TUBGCP3: variants seen among roughly 807,000 people sequenced by gnomAD.
TUBGCP3 encodes the protein gamma-tubulin complex component 3.
TUBGCP3 carries 50 observed loss-of-function variants against 123.1 expected under a neutral mutation model. The observed-to-expected ratio is 0.41, with a 90% CI of 0.32 to 0.51. TUBGCP3 has a LOEUF of 0.51. TUBGCP3 is among the 20% of genes least tolerant of loss of function. TUBGCP3 has a pLI of 0.36. For synonymous variants in TUBGCP3, 405 were observed against 413.9 expected (o/e 0.98, Z 0.26); for missense variants, 882 against 1,127.0 (o/e 0.78, Z 3.11).
At chr13:112,548,213 C>A in intron 8 of TUBGCP3, 37 bp from the exon 9 acceptor site, 2 of 1,512,932 alleles carry the variant, frequency 1.3e-6, no homozygotes, top group Non-Finnish European at 1.8e-6. Flanking sequence ...GCACGACACA[C>A]TCATTACACA....
chr13:112,595,055 T>C, the TUBGCP3 span, among the ~76,000 whole-genome samples: 23,003 of 152,186 alleles, frequency 0.15, 2,023 homozygotes, highest in East Asian at 0.21. Context: ...CAAATACCCA[T>C]TAGATCCAGT....
intron 3 of TUBGCP3, among the ~76,000 whole-genome samples, chr13:112,560,030 A>T (rs1880368527): frequency 6.6e-6 from 1 of 151,422 alleles, no homozygotes; most frequent in African/African-American, 2.4e-5. Context: ...GCTACTCGGG[A>T]GGCTGAGACA....
chr13:112,600,377 T>C, the TUBGCP3 span, among the ~76,000 whole-genome samples: 1 of 152,212 alleles, frequency 6.6e-6, no homozygotes, highest in Non-Finnish European at 1.5e-5. Context: ...CTAAAACTAG[T>C]GAACAATCTT....
At chr13:112,514,988 G>A (rs1875977194) in intron 17 of TUBGCP3, among the ~76,000 whole-genome samples, 1 of 152,136 alleles carries the variant, frequency 6.6e-6, no homozygotes, top group Non-Finnish European at 1.5e-5. Flanking sequence ...GAGGGGGAAG[G>A]ATCAGCAGAA....
intron 20 of TUBGCP3, among the ~76,000 whole-genome samples, chr13:112,498,423 T>C (rs1259957592): frequency 6.6e-6 from 1 of 152,244 alleles, no homozygotes; most frequent in African/African-American, 2.4e-5. Flanking sequence ...ATATTTTTTA[T>C]AATTTTCTGC....
Position 112,576,832 on chromosome 13 carries a change from C to A in TUBGCP3, c.77-7573G>T, listed in dbSNP as rs191087677. On this transcript the variant is annotated intron_variant, in intron 1 of 21. Coordinates refer to ENST00000261965, the MANE Select transcript of TUBGCP3 (RefSeq NM_006322.6). ...GGAAGATAGACCTCAAATCAATAAT[C>A]TCAGTTTATATGATAAAATCTGGAA... Among the ~76,000 whole-genome samples, 61 of 151,196 alleles carry A rather than the reference C, an allele frequency of 4.0e-4. No homozygotes were observed. The East Asian group carries it at 8.3e-3, about 21-fold the overall frequency.
chr13:112,593,274 T>C, the TUBGCP3 span, among the ~76,000 whole-genome samples: 6 of 151,986 alleles, frequency 3.9e-5, no homozygotes, highest in Non-Finnish European at 7.4e-5. Flanking sequence ...AAAAATTAGC[T>C]GGGCGTAGTT....
the TUBGCP3 span, among the ~76,000 whole-genome samples, chr13:112,602,279 A>G: frequency 5.1e-4 from 77 of 152,326 alleles, no homozygotes; most frequent in African/African-American, 1.8e-3. Context: ...GAAATCTGAT[A>G]AGACATTTGA....
chr13:112,560,436 A>G (rs1160916234), intron 3 of TUBGCP3, among the ~76,000 whole-genome samples: 1 of 152,190 alleles, frequency 6.6e-6, no homozygotes, highest in Admixed American at 6.5e-5. Context: ...TCTCAAAAAA[A>G]AAAAAAAAGT....
At position 112,545,734 on chromosome 13, in the gene TUBGCP3, T is replaced by C; in HGVS notation, c.1300A>G (p.Ile434Val). 6.2e-7 allele frequency: 1 copy of C among 1,614,132 alleles called. No individual in the cohort carries two copies. The highest frequency in any genetic ancestry group is 8.5e-7 in the Non-Finnish European group (1 of 1,179,984). Residue 434 changes from isoleucine (I) to valine (V), a missense_variant, in exon 11 of 22, where the codon ATA (isoleucine) becomes GTA (valine). Ile to Val is a conservative substitution (Grantham distance 29). Coordinates refer to ENST00000261965, the MANE Select transcript of TUBGCP3 (RefSeq NM_006322.6). The surrounding 1 kb of genome is among the most constrained non-coding windows in gnomAD (Gnocchi z 4.1). ...HPVLSFLYRW[I>V]YDGELEDTYH... ...GTGTCCTCAAGCTCCCCATCATATA[T>C]CCAGCGGTACAGGAAGCTCAAAACA...
intron 11 of TUBGCP3, among the ~76,000 whole-genome samples, chr13:112,535,488 A>T (rs1184935112): frequency 6.6e-6 from 1 of 152,014 alleles, no homozygotes; most frequent in African/African-American, 2.4e-5. Flanking sequence ...TTGTTAACAA[A>T]CCTAATGGCT....
At position 112,485,318 on chromosome 13, in the gene TUBGCP3, A is replaced by C. The variant is rs533145358; in HGVS notation, c.*675T>G. On this transcript the variant is annotated 3_prime_UTR_variant, in exon 22 of 22. Transcript: ENST00000261965. ...CGGTATTTGGGTTGCACTGTATAAG[A>C]GTATTTTTGTTCTCTATCACTCCTA... The C allele has an allele frequency of 6.5e-6, 1 of 152,764 alleles. No homozygotes were observed. The highest frequency in any genetic ancestry group is 1.9e-4 in the East Asian group (1 of 5,184). 9.5% of individuals were successfully genotyped at this position (152,764 alleles called of 1,614,324 possible).
At chr13:112,525,029 G>A (rs144808105) in intron 13 of TUBGCP3, among the ~76,000 whole-genome samples, 36 of 152,262 alleles carry the variant, frequency 2.4e-4, no homozygotes, top group Middle Eastern at 3.4e-3. Flanking sequence ...CCTGTCCAGA[G>A]AGCCAAGTCC....
chr13:112,575,673 T>C (rs899512483), intron 1 of TUBGCP3, among the ~76,000 whole-genome samples: 3 of 152,198 alleles, frequency 2.0e-5, no homozygotes, highest in African/African-American at 7.2e-5. Flanking sequence ...ACGTGGAACA[T>C]TCAGGACAGA....
intron 1 of TUBGCP3, among the ~76,000 whole-genome samples, chr13:112,575,389 A>AC (rs1039401437): frequency 2.2e-4 from 34 of 152,386 alleles, no homozygotes; most frequent in African/African-American, 7.0e-4. Flanking sequence ...ATAAAAGGGC[A>AC]ATTCACCAAG....
At chr13:112,553,950 TA>T (rs1879808155) in intron 8 of TUBGCP3, 106 bp downstream of exon 8, 4 of 1,512,154 alleles carry the variant, frequency 2.6e-6, no homozygotes, top group Non-Finnish European at 3.5e-6. Context: ...AAAGCTGCTT[TA>T]CTTGGAAAGA....
chr13:112,592,570 A>G (rs961458644), upstream of TUBGCP3, among the ~76,000 whole-genome samples: 1 of 152,334 alleles, frequency 6.6e-6, no homozygotes, highest in Middle Eastern at 3.4e-3. The surrounding 1 kb of genome is among the most constrained non-coding windows in gnomAD (Gnocchi z 4.1). Context: ...CTGCCATTCT[A>G]TGGCCCTGGA....
In TUBGCP3 at chr13:112,527,311, C is replaced by T; in HGVS notation, c.1446+63G>A. The T allele has an allele frequency of 4.8e-6, 6 of 1,260,972 alleles. No individual in the cohort carries two copies. The East Asian group carries it at 1.2e-4, about 24-fold the overall frequency. The allele number at this position is 1,260,972 out of a possible 1,614,324, so 78.1% of individuals were successfully genotyped here. On this transcript the variant is annotated intron_variant, in intron 12 of 21. Transcript: ENST00000261965. ...AATTTTAACTGAAAATTGGTTTTGT[C>T]ACATAATCTAAGTATACATAGCCAT...
chr13:112,593,369 G>A, the TUBGCP3 span, among the ~76,000 whole-genome samples: 6 of 152,142 alleles, frequency 3.9e-5, no homozygotes, highest in Admixed American at 2.0e-4. Context: ...AGTGAGCCAC[G>A]ATGACACCAC....
Sources: allele counts gnomAD v4.1 joint callset (sites outside exome capture counted in the v4.1 genomes callset), GRCh38; gene constraint gnomAD v4.1.1; non-coding constraint Gnocchi (gnomAD v3.1); transcripts MANE v1.5; gene names NCBI Gene and HGNC (gene_info 2026-07-23, HGNC 2026-07-21).